Variants in PTPRM observed in about 807,000 individuals in gnomAD.
The protein encoded by PTPRM is protein tyrosine phosphatase receptor type M.
A neutral mutation model predicts 186.7 loss-of-function variants in PTPRM; 47 were observed. That is an observed-to-expected ratio of 0.25 (90% confidence interval 0.20 to 0.32). The LOEUF is 0.32. PTPRM is among the 10% of genes least tolerant of loss of function. The pLI, the probability that PTPRM is intolerant of heterozygous loss-of-function variation, is 1.00. For missense variants in PTPRM, 1,494 were observed against 1,865.0 expected, an observed-to-expected ratio of 0.80 and a Z score of 3.66; for synonymous variants, 668 against 674.9, an observed-to-expected ratio of 0.99 and a Z score of 0.16.
chr18:7,738,443 T>G (rs2040817481), intron 1 of PTPRM, among the ~76,000 whole-genome samples: 1 of 144,082 alleles, frequency 6.9e-6, no homozygotes, highest in African/African-American at 2.6e-5. Context: ...CAACTTTTGG[T>G]TTTTTTTTTT....
intron 13 of PTPRM, among the ~76,000 whole-genome samples, chr18:8,126,031 T>TTTTTA (rs1411357861): frequency 1.1e-5 from 1 of 92,576 alleles, no homozygotes; most frequent in Non-Finnish European, 2.2e-5. Context: ...ATATATATTT[T>TTTTTA]AAATCAGTAG....
At chr18:8,236,622 A>T (rs1298944317) in intron 14 of PTPRM, among the ~76,000 whole-genome samples, 2 of 151,836 alleles carry the variant, frequency 1.3e-5, no homozygotes, top group Non-Finnish European at 2.9e-5. Context: ...GTTCGCTGCA[A>T]CCTCTGCCTC....
At chr18:7,901,367 G>T (rs1227918283) in intron 3 of PTPRM, among the ~76,000 whole-genome samples, 4 of 149,478 alleles carry the variant, frequency 2.7e-5, no homozygotes, top group Admixed American at 6.7e-5. Flanking sequence ...TGAGCTGCAT[G>T]TTTTTTTTTT....
intron 1 of PTPRM, among the ~76,000 whole-genome samples, chr18:7,677,163 G>A (rs935303939): frequency 1.3e-5 from 2 of 152,078 alleles, no homozygotes; most frequent in Non-Finnish European, 2.9e-5. Context: ...GTAAAACCAC[G>A]TTATTTCTAG....
intron 1 of PTPRM, among the ~76,000 whole-genome samples, chr18:7,737,391 G>A (rs370489502): frequency 3.9e-5 from 6 of 152,268 alleles, no homozygotes; most frequent in South Asian, 2.1e-4. Flanking sequence ...CACAGTGCCC[G>A]GCCAACTCTG....
At chr18:8,106,194 G>C (rs569751611) in intron 11 of PTPRM, among the ~76,000 whole-genome samples, 108 of 152,302 alleles carry the variant, frequency 7.1e-4, no homozygotes, top group African/African-American at 2.6e-3. Flanking sequence ...GGGCATACCT[G>C]CTGGGACCTG....
chr18:8,210,371 C>T (rs2093986759), intron 14 of PTPRM, among the ~76,000 whole-genome samples: 3 of 151,946 alleles, frequency 2.0e-5, no homozygotes, highest in South Asian at 2.1e-4. Flanking sequence ...TGAAGAGACA[C>T]GGGGAGAAGG....
intron 20 of PTPRM, among the ~76,000 whole-genome samples, chr18:8,298,158 A>T (rs2095117260): frequency 6.6e-6 from 1 of 152,152 alleles, no homozygotes. Flanking sequence ...GAAGGAAAAC[A>T]TGGTTTCTTG....
chr18:7,897,537 G>C (rs376705181), intron 3 of PTPRM, among the ~76,000 whole-genome samples: 7 of 152,326 alleles, frequency 4.6e-5, no homozygotes, highest in African/African-American at 1.7e-4. Context: ...TGGGGACACA[G>C]TAGGTTGTCA....
At chr18:7,938,514 C>T (rs574024798) in intron 5 of PTPRM, among the ~76,000 whole-genome samples, 2 of 152,118 alleles carry the variant, frequency 1.3e-5, no homozygotes, top group Admixed American at 6.5e-5. Flanking sequence ...AAAAAATGTT[C>T]GTCAGTGTTG....
At chr18:7,759,258 A>G (rs1044707913) in intron 1 of PTPRM, among the ~76,000 whole-genome samples, 1 of 152,250 alleles carries the variant, frequency 6.6e-6, no homozygotes, top group Non-Finnish European at 1.5e-5. Context: ...GTAAGTGTCC[A>G]ATATGGCCAA....
At chr18:7,605,280 T>C (rs1391731096) in intron 1 of PTPRM, among the ~76,000 whole-genome samples, 1 of 152,216 alleles carries the variant, frequency 6.6e-6, no homozygotes, top group Non-Finnish European at 1.5e-5. Flanking sequence ...CTGTGGGCCA[T>C]GGGTTGGACA....
At chr18:7,912,136 G>A (rs1046642031) in intron 4 of PTPRM, among the ~76,000 whole-genome samples, 26 of 152,278 alleles carry the variant, frequency 1.7e-4, no homozygotes, top group East Asian at 7.7e-4. Flanking sequence ...ACAGGCATAA[G>A]CCACTGTGCC....
rs140995665 is a variant in PTPRM at position 7,849,254 on chromosome 18, T to C, written c.197-38852T>C. The stretch of plus-strand genomic sequence containing the variant: ...TGCAGGTAAAATGTCTCAAGTTTCA[T>C]TGGGGATTCAGAATGTTTCAGGTTA... On this transcript the variant is annotated intron_variant, in intron 2 of 32. Coordinates refer to ENST00000580170, the MANE Select transcript of PTPRM (RefSeq NM_001105244.2). Among the ~76,000 whole-genome samples, 90 of 152,338 alleles carry C rather than the reference T, an allele frequency of 5.9e-4. No individual in the cohort carries two copies. The East Asian group carries it at 6.6e-3, about 11-fold the overall frequency.
At chr18:8,277,286 G>T (rs1331957116) in intron 19 of PTPRM, among the ~76,000 whole-genome samples, 1 of 152,136 alleles carries the variant, frequency 6.6e-6, no homozygotes, top group Non-Finnish European at 1.5e-5. Flanking sequence ...TATTGATGGT[G>T]CAACTATATG....
intron 1 of PTPRM, among the ~76,000 whole-genome samples, chr18:7,578,587 G>A (rs573740289): frequency 4.0e-5 from 6 of 151,796 alleles, no homozygotes; most frequent in South Asian, 4.2e-4. Flanking sequence ...CGCCCACCTT[G>A]GCCTCCCAAA....
At chr18:8,141,551 C>T (rs1303519397) in intron 13 of PTPRM, among the ~76,000 whole-genome samples, 1 of 152,226 alleles carries the variant, frequency 6.6e-6, no homozygotes, top group Non-Finnish European at 1.5e-5. Context: ...TCAGTTCCCA[C>T]AGAGCCAGAC....
chr18:7,832,729 T>G (rs999073688), intron 2 of PTPRM, among the ~76,000 whole-genome samples: 1 of 152,214 alleles, frequency 6.6e-6, no homozygotes, highest in Non-Finnish European at 1.5e-5. Flanking sequence ...TGATGTTTTA[T>G]TGTAGTAGTT....
At chr18:8,114,736 A>G (rs2091890993) in intron 12 of PTPRM, 55 bp from the exon 13 acceptor site, 3 of 1,395,142 alleles carry the variant, frequency 2.2e-6, no homozygotes, top group Middle Eastern at 2.0e-4. Flanking sequence ...AGATATTTCT[A>G]TTTGTCTTAA....
Sources: allele counts gnomAD v4.1 joint callset (sites outside exome capture counted in the v4.1 genomes callset), GRCh38; gene constraint gnomAD v4.1.1; transcripts MANE v1.5; gene names NCBI Gene and HGNC (gene_info 2026-07-23, HGNC 2026-07-21).